The following ACAP2 variants were observed in gnomAD, a reference collection of about 807,000 sequenced individuals.
ACAP2 encodes the protein arf-GAP with coiled-coil, ANK repeat and PH domain-containing protein 2.
A neutral mutation model predicts 115.8 loss-of-function variants in ACAP2; 39 were observed. The observed-to-expected ratio is 0.34, with a 90% CI of 0.26 to 0.44. The LOEUF is 0.44. ACAP2 is among the 20% of genes least tolerant of loss of function. The pLI is 1.00. For missense variants in ACAP2, 662 were observed against 927.6 expected (o/e 0.71, Z 3.72); for synonymous variants, 289 against 315.8 (o/e 0.92, Z 0.90).
Position 195,295,851 on chromosome 3 carries a change from C to A in ACAP2, c.1529G>T (p.Arg510Met). ...EAYIRAKYVE[R>M]KFVDKYSISL... ...TATAGAATATTTATCCACAAATTTC[C>A]TCTCCACATATTTTGCTCTGATATA... Residue 510 changes from arginine (R) to methionine (M), a missense_variant, in exon 17 of 23, where the codon AGG becomes ATG. Arg to Met is a moderately conservative substitution (Grantham distance 91). Coordinates refer to ENST00000326793, the MANE Select transcript of ACAP2 (RefSeq NM_012287.6). 3 of 1,613,698 alleles carry A rather than the reference C, an allele frequency of 1.9e-6. No individual in the cohort carries two copies. Among genetic ancestry groups the A allele is most frequent in the Non-Finnish European group, 2.5e-6 (3 of 1,179,918 alleles).
chr3:195,349,660 C>T, intron 4 of ACAP2: 1 of 167,134 alleles, frequency 6.0e-6, no homozygotes, highest in Non-Finnish European at 1.3e-5. Context: ...TTGGGTCCAG[C>T]AGAACGGCTC....
chr3:195,439,300 T>C (rs931785372), intron 1 of ACAP2, among the ~76,000 whole-genome samples: 18 of 150,464 alleles, frequency 1.2e-4, no homozygotes, highest in African/African-American at 3.7e-4. Flanking sequence ...CTGCCTCAGC[T>C]TCCCATGTAG....
chr3:195,396,268 G>C (rs930652350), intron 1 of ACAP2, among the ~76,000 whole-genome samples: 1 of 150,774 alleles, frequency 6.6e-6, no homozygotes, highest in Non-Finnish European at 1.5e-5. Flanking sequence ...AAACAAATAA[G>C]AAAACTAGAA....
intron 4 of ACAP2, among the ~76,000 whole-genome samples, chr3:195,379,393 G>A (rs1049878476): frequency 1.3e-5 from 2 of 152,050 alleles, no homozygotes; most frequent in Non-Finnish European, 2.9e-5. Flanking sequence ...CAAAATGAGA[G>A]AAAATATTTG....
At chr3:195,415,416 A>G (rs1306075213) in intron 1 of ACAP2, among the ~76,000 whole-genome samples, 1 of 151,682 alleles carries the variant, frequency 6.6e-6, no homozygotes, top group African/African-American at 2.4e-5. Context: ...AACTGGGACT[A>G]CGGGCGTGCA....
chr3:195,299,722 C>G (rs934377867), intron 15 of ACAP2, among the ~76,000 whole-genome samples: 1 of 151,668 alleles, frequency 6.6e-6, no homozygotes, highest in African/African-American at 2.4e-5. Context: ...CCTGTAGTCT[C>G]AGATACTCAG....
chr3:195,321,861 C>T (rs763708720), intron 9 of ACAP2, among the ~76,000 whole-genome samples: 5 of 152,160 alleles, frequency 3.3e-5, no homozygotes, highest in African/African-American at 4.8e-5. Context: ...GATTCACCTG[C>T]CTCAGCCTCC....
chr3:195,389,676 AAAAAT>A (rs966180834), intron 2 of ACAP2, among the ~76,000 whole-genome samples: 2 of 152,214 alleles, frequency 1.3e-5, no homozygotes, highest in Non-Finnish European at 2.9e-5. Context: ...CCTCAGGGTA[AAAAAT>A]AAAATAAAAT....
At chr3:195,391,382 A>G (rs909108126) in intron 2 of ACAP2, among the ~76,000 whole-genome samples, 1 of 151,962 alleles carries the variant, frequency 6.6e-6, no homozygotes, top group Admixed American at 6.6e-5. Context: ...GGCATGCACC[A>G]CCACACTAAT....
intron 4 of ACAP2, among the ~76,000 whole-genome samples, chr3:195,364,482 A>G (rs1732582149): frequency 6.6e-6 from 1 of 152,158 alleles, no homozygotes. Flanking sequence ...GAGGCAGGAG[A>G]ATAACTTCAA....
At chr3:195,411,713 G>C (rs1172225999) in intron 1 of ACAP2, among the ~76,000 whole-genome samples, 10 of 152,022 alleles carry the variant, frequency 6.6e-5, no homozygotes, top group African/African-American at 2.2e-4. Context: ...GAGACTTACA[G>C]ATAATTAACA....
intron 1 of ACAP2, among the ~76,000 whole-genome samples, chr3:195,396,835 T>G (rs143293709): frequency 0.012 from 1,717 of 140,858 alleles, 25 homozygotes; most frequent in African/African-American, 0.041. Context: ...GCTAAATAAT[T>G]ATTTTTCCCA....
intron 20 of ACAP2, among the ~76,000 whole-genome samples, chr3:195,289,458 A>G (rs574955081): frequency 3.3e-5 from 5 of 152,108 alleles, no homozygotes; most frequent in African/African-American, 4.8e-5. Flanking sequence ...ATCTGGTGCT[A>G]TATAGATAGC....
intron 10 of ACAP2, among the ~76,000 whole-genome samples, chr3:195,313,256 G>A (rs923828120): frequency 2.0e-5 from 3 of 152,136 alleles, no homozygotes; most frequent in Non-Finnish European, 4.4e-5. Flanking sequence ...AGGAAGTTCT[G>A]GTAGGATTTA....
chr3:195,364,941 A>G (rs932357527), intron 4 of ACAP2, among the ~76,000 whole-genome samples: 2 of 152,242 alleles, frequency 1.3e-5, no homozygotes, highest in African/African-American at 4.8e-5. Flanking sequence ...AGTACTAGTC[A>G]GCCATAAAGA....
intron 4 of ACAP2, among the ~76,000 whole-genome samples, chr3:195,374,226 A>T (rs909987588): frequency 1.3e-5 from 2 of 152,066 alleles, no homozygotes; most frequent in African/African-American, 4.8e-5. Context: ...TCTCTACTAA[A>T]AATAAAAAAT....
At chr3:195,360,504 C>A (rs1023592923) in intron 4 of ACAP2, among the ~76,000 whole-genome samples, 4 of 152,210 alleles carry the variant, frequency 2.6e-5, no homozygotes, top group African/African-American at 4.8e-5. Context: ...CAGACTTAAT[C>A]TGCACTACAG....
In ACAP2 at chr3:195,342,356, T is replaced by G. The variant is rs573028086; in HGVS notation, c.528+115A>C. The G allele has an allele frequency of 2.2e-4, 232 of 1,054,262 alleles. 1 individual carries two copies. The highest frequency in any genetic ancestry group is 2.9e-4 in the Non-Finnish European group (219 of 766,436). The allele number at this position is 1,054,262 out of a possible 1,614,324, so 65.3% of individuals were successfully genotyped here. ...TGGAAATTTTCCACCTAAGATTATGTTTTAACTTTAAGTTCAGAGTAAAAG... is the reference window on the plus strand; with the variant it reads ...TGGAAATTTTCCACCTAAGATTATGGTTTAACTTTAAGTTCAGAGTAAAAG... On this transcript the variant is annotated intron_variant, in intron 6 of 22. Transcript: ENST00000326793.
chr3:195,296,036 T>C (rs1385289776), intron 16 of ACAP2, 144 bp from the exon 17 acceptor site: 2 of 626,472 alleles, frequency 3.2e-6, no homozygotes, highest in South Asian at 2.2e-5. Context: ...ATTATACATA[T>C]ATATATTATG....
Sources: allele counts gnomAD v4.1 joint callset (sites outside exome capture counted in the v4.1 genomes callset), GRCh38; gene constraint gnomAD v4.1.1; transcripts MANE v1.5; gene names NCBI Gene and HGNC (gene_info 2026-07-23, HGNC 2026-07-21).